ENTREP2: variants seen among roughly 807,000 people sequenced by gnomAD.
The protein encoded by ENTREP2 is endosomal transmembrane epsin interactor 2, also known as protein ENTREP2.
the ENTREP2 span, among the ~76,000 whole-genome samples, chr15:29,628,529 T>A: frequency 6.6e-6 from 1 of 152,238 alleles, no homozygotes; most frequent in Non-Finnish European, 1.5e-5. Context: ...CATTAGATCA[T>A]GTTGATTGAT....
the ENTREP2 span, among the ~76,000 whole-genome samples, chr15:29,428,370 C>A: frequency 2.0e-5 from 3 of 152,128 alleles, no homozygotes; most frequent in African/African-American, 7.2e-5. Context: ...CTCGCCACCA[C>A]ACACGGCTAT....
the ENTREP2 span, among the ~76,000 whole-genome samples, chr15:29,561,769 T>A: frequency 6.6e-6 from 1 of 150,678 alleles, no homozygotes; most frequent in African/African-American, 2.5e-5. Context: ...GACTTGGCAA[T>A]CATCGTAGAG....
the ENTREP2 span, among the ~76,000 whole-genome samples, chr15:29,216,061 C>T: frequency 3.3e-5 from 5 of 152,028 alleles, no homozygotes; most frequent in East Asian, 9.7e-4. Context: ...TTTATAGGTC[C>T]TGTGTGATTT....
the ENTREP2 span, among the ~76,000 whole-genome samples, chr15:29,604,537 A>ATG: frequency 6.6e-6 from 1 of 152,226 alleles, no homozygotes; most frequent in African/African-American, 2.4e-5. Flanking sequence ...TTTCAAGGTA[A>ATG]TTATAAATCC....
chr15:29,642,151 A>G, the ENTREP2 span, among the ~76,000 whole-genome samples: 1 of 152,138 alleles, frequency 6.6e-6, no homozygotes, highest in Non-Finnish European at 1.5e-5. Flanking sequence ...TCATATAGGA[A>G]CTCATGGACC....
chr15:29,570,760 CGGCCCGGCGCGCGCCGCCGCCT>C, the ENTREP2 span: 1 of 823,460 alleles, frequency 1.2e-6, no homozygotes, highest in Non-Finnish European at 1.4e-6. Flanking sequence ...CGCTCCCGCC[CGGCCCGGCGCGCGCCGCCGCCT>C]CTCCTCACAG....
the ENTREP2 span, among the ~76,000 whole-genome samples, chr15:29,526,124 G>T: frequency 6.6e-6 from 1 of 152,126 alleles, no homozygotes; most frequent in Admixed American, 6.5e-5. Flanking sequence ...TGCAAGCTTG[G>T]ATGCAAAAAG....
At chr15:29,206,037 C>G in the ENTREP2 span, among the ~76,000 whole-genome samples, 15 of 152,196 alleles carry the variant, frequency 9.9e-5, no homozygotes, top group Non-Finnish European at 1.8e-4. Context: ...CCCCACAACA[C>G]CAGCCCCAAT....
chr15:29,123,478 G>C, the ENTREP2 span: 1 of 1,551,684 alleles, frequency 6.4e-7, no homozygotes, highest in Non-Finnish European at 8.7e-7. Flanking sequence ...CAAAAACTTG[G>C]CCACCAAAAC....
At chr15:29,234,471 T>C in the ENTREP2 span, 2 of 1,475,948 alleles carry the variant, frequency 1.4e-6, no homozygotes. Context: ...GTGCCCAGCA[T>C]TCGCCTATCA....
chr15:29,202,669 T>C, the ENTREP2 span, among the ~76,000 whole-genome samples: 22 of 152,160 alleles, frequency 1.4e-4, no homozygotes, highest in African/African-American at 4.8e-4. Context: ...TGGTATGTGA[T>C]ATTCCCCTCC....
chr15:29,420,227 T>C, the ENTREP2 span, among the ~76,000 whole-genome samples: 5 of 152,126 alleles, frequency 3.3e-5, no homozygotes, highest in African/African-American at 1.2e-4. Context: ...AGGAAGTAGA[T>C]ATGCTGAAAG....
At chr15:29,196,352 A>G in the ENTREP2 span, 22 of 1,477,506 alleles carry the variant, frequency 1.5e-5, no homozygotes, top group Middle Eastern at 1.7e-4. Flanking sequence ...AAAGGAATCT[A>G]TATGTTAATA....
the ENTREP2 span, among the ~76,000 whole-genome samples, chr15:29,149,558 C>T: frequency 6.6e-6 from 1 of 152,202 alleles, no homozygotes; most frequent in Non-Finnish European, 1.5e-5. Context: ...CACCACGTTC[C>T]TTCAAATCCC....
chr15:29,653,309 CTTTT>C, the ENTREP2 span, among the ~76,000 whole-genome samples: 2 of 152,138 alleles, frequency 1.3e-5, no homozygotes, highest in South Asian at 2.1e-4. Flanking sequence ...TCTTTTCTTT[CTTTT>C]TTCTTCTTGT....
At chr15:29,402,265 T>TATATATATAC in the ENTREP2 span, among the ~76,000 whole-genome samples, 7 of 137,792 alleles carry the variant, frequency 5.1e-5, no homozygotes, top group East Asian at 2.0e-4. Context: ...TATATATATA[T>TATATATATAC]ACACACACAT....
chr15:29,524,262 T>C, the ENTREP2 span, among the ~76,000 whole-genome samples: 16 of 152,126 alleles, frequency 1.1e-4, no homozygotes, highest in African/African-American at 3.1e-4. Context: ...AATAAGCACA[T>C]GAAAAGATGC....
chr15:29,382,045 T>A, the ENTREP2 span, among the ~76,000 whole-genome samples: 1 of 152,084 alleles, frequency 6.6e-6, no homozygotes, highest in African/African-American at 2.4e-5. Context: ...AGGGGTCACT[T>A]TGTGCACTGC....
the ENTREP2 span, among the ~76,000 whole-genome samples, chr15:29,454,657 G>A: frequency 6.6e-6 from 1 of 152,142 alleles, no homozygotes; most frequent in Non-Finnish European, 1.5e-5. Context: ...GCATTCACAT[G>A]TGATCCCTGC....
Sources: allele counts gnomAD v4.1 joint callset (sites outside exome capture counted in the v4.1 genomes callset), GRCh38; gene constraint gnomAD v4.1.1; transcripts MANE v1.5; gene names NCBI Gene and HGNC (gene_info 2026-07-23, HGNC 2026-07-21).